The following DAAM2 variants were observed in gnomAD, a reference collection of about 807,000 sequenced individuals.
DAAM2 encodes disheveled-associated activator of morphogenesis 2.
DAAM2 carries 39 observed loss-of-function variants against 120.7 expected under a neutral mutation model. The ratio of observed to expected loss-of-function variants is 0.32; its 90% CI spans 0.25 to 0.42. The LOEUF (loss-of-function observed/expected upper bound fraction) is 0.42, where lower values mean the gene tolerates loss of function less well. Among genes scored for constraint, DAAM2 ranks in the 10% least tolerant of loss-of-function variants. The probability of loss-of-function intolerance (pLI) is 1.00; values close to 1 mark genes in which losing one functional copy is unlikely to be tolerated. For missense variants in DAAM2, 1,283 were observed against 1,401.7 expected, an observed-to-expected ratio of 0.92 and a Z score of 1.35; for synonymous variants, 488 against 524.9, an observed-to-expected ratio of 0.93 and a Z score of 0.96.
At chr6:39,877,949 C>T (rs900719034) in intron 11 of DAAM2, among the ~76,000 whole-genome samples, 3 of 152,164 alleles carry the variant, frequency 2.0e-5, no homozygotes, top group African/African-American at 2.4e-5. Flanking sequence ...TCAGTGGCTC[C>T]GGCTGTATCA....
At chr6:39,873,601 C>A (rs1764752580) in intron 10 of DAAM2, among the ~76,000 whole-genome samples, 1 of 152,204 alleles carries the variant, frequency 6.6e-6, no homozygotes, top group Non-Finnish European at 1.5e-5. Flanking sequence ...ACATCCTAGT[C>A]CAAAAACGGT....
At chr6:39,817,651 GGACTGACAA>G (rs908510889) in intron 1 of DAAM2, among the ~76,000 whole-genome samples, 49 of 152,228 alleles carry the variant, frequency 3.2e-4, no homozygotes, top group African/African-American at 1.2e-3. Flanking sequence ...CATGGTTGTG[GGACTGACAA>G]GTCAAAAATC....
At chr6:39,830,773 A>G (rs1461258757) in intron 1 of DAAM2, among the ~76,000 whole-genome samples, 1 of 152,164 alleles carries the variant, frequency 6.6e-6, no homozygotes, top group East Asian at 1.9e-4. Context: ...CTGCATCAGG[A>G]CCAGGGCAGC....
intron 1 of DAAM2, among the ~76,000 whole-genome samples, chr6:39,825,828 C>T (rs1488742907): frequency 6.6e-6 from 1 of 152,170 alleles, no homozygotes; most frequent in Non-Finnish European, 1.5e-5. Flanking sequence ...TCACAGCCTG[C>T]ACACTACATG....
rs147181531 is a variant in DAAM2, at chr6:39,829,503, G to C, written c.-56-26744G>C. 4.4e-3 allele frequency among the ~76,000 whole-genome samples: 665 copies of C among 152,278 alleles called. 4 individuals are homozygous for C. The highest frequency in any genetic ancestry group is 6.3e-3 in the Non-Finnish European group (431 of 68,018). On this transcript the variant is annotated intron_variant, in intron 1 of 24. Coordinates refer to ENST00000274867, the MANE Select transcript of DAAM2 (RefSeq NM_001201427.2). The stretch of plus-strand genomic sequence containing the variant: ...TTAAGAGGCTTGTGTTGGAGGCTGA[G>C]TGATACCTCATTTGGCACCAGTTGG...
chr6:39,803,714 CACAG>C (rs1761932104), intron 1 of DAAM2, among the ~76,000 whole-genome samples: 1 of 152,186 alleles, frequency 6.6e-6, no homozygotes, highest in South Asian at 2.1e-4. Context: ...TGGAAGGAAA[CACAG>C]ACACAGACTT....
At chr6:39,859,263 C>T (rs1021896944) in intron 2 of DAAM2, among the ~76,000 whole-genome samples, 13 of 152,152 alleles carry the variant, frequency 8.5e-5, no homozygotes, top group African/African-American at 3.1e-4. Context: ...ACTGTGTAAA[C>T]AAAGGCACAG....
intron 1 of DAAM2, among the ~76,000 whole-genome samples, chr6:39,853,009 G>A (rs1763871044): frequency 6.6e-6 from 1 of 152,190 alleles, no homozygotes; most frequent in Non-Finnish European, 1.5e-5. Context: ...GCGGAGGGAG[G>A]CTATGGCTAT....
intron 1 of DAAM2, among the ~76,000 whole-genome samples, chr6:39,851,686 C>G: frequency 6.6e-6 from 1 of 152,148 alleles, no homozygotes; most frequent in East Asian, 1.9e-4. Context: ...CTTCCTGGCT[C>G]GGAGAGCAAT....
chr6:39,897,322 C>G, intron 21 of DAAM2, 40 bp downstream of exon 21: 2 of 1,310,594 alleles, frequency 1.5e-6, no homozygotes, highest in Non-Finnish European at 2.2e-6. Context: ...CCCATGATGA[C>G]CCTCATTCTT....
At chr6:39,840,667 T>A (rs1341118560) in intron 1 of DAAM2, among the ~76,000 whole-genome samples, 4 of 149,456 alleles carry the variant, frequency 2.7e-5, no homozygotes, top group African/African-American at 9.9e-5. Context: ...TGGAGGGGAG[T>A]TTTGGAGGGG....
intron 1 of DAAM2, chr6:39,820,809 ATACC>A (rs1322219654): frequency 6.6e-6 from 1 of 152,248 alleles, no homozygotes; most frequent in African/African-American, 2.4e-5. Flanking sequence ...AATAATCACA[ATACC>A]TACCTCCTAA....
chr6:39,810,215 G>A (rs1430929710), intron 1 of DAAM2, among the ~76,000 whole-genome samples: 1 of 152,156 alleles, frequency 6.6e-6, no homozygotes, highest in Non-Finnish European at 1.5e-5. Flanking sequence ...TGGGCATGTT[G>A]CTGCTGCAAA....
rs1172384155 is a variant in DAAM2 at position 39,873,154 on chromosome 6, T to C, written c.1045-84T>C. 9.4e-6 allele frequency: 8 copies of C among 847,568 alleles called. No individual in the cohort carries two copies. The African/African-American group carries it at 1.0e-4, about 11-fold the overall frequency. The allele number at this position is 847,568 out of a possible 1,614,324, so 52.5% of individuals were successfully genotyped here. On this transcript the variant is annotated intron_variant, in intron 9 of 24. Transcript: ENST00000274867. The stretch of plus-strand genomic sequence containing the variant: ...AAAACCTTTCCTATGAGACAGGGCA[T>C]AGTGGATGGAAGCAGGGTCTTCTCT...
rs1214031381 is a variant in DAAM2, at chr6:39,792,385, G to T, written c.-137G>T. On this transcript the variant is annotated 5_prime_UTR_variant, in exon 1 of 25. Transcript: ENST00000274867. ...GCCGCGGCTTCCCGGGGATAGCGCG[G>T]AGCACGCAGCAGCGAGCGGAGCGCG... is the stretch of plus-strand genomic sequence containing the variant. 6.6e-6 allele frequency: 1 copy of T among 152,360 alleles called. No individual in the cohort carries two copies. Among genetic ancestry groups the T allele is most frequent in the South Asian group, 2.0e-4 (1 of 4,924 alleles). The allele number at this position is 152,360 out of a possible 1,614,324, so 9.4% of individuals were successfully genotyped here.
chr6:39,854,921 G>A (rs551998343), intron 1 of DAAM2, among the ~76,000 whole-genome samples: 1 of 152,268 alleles, frequency 6.6e-6, no homozygotes, highest in East Asian at 1.9e-4. Flanking sequence ...TGTGTCATTA[G>A]GGTCTGTGTC....
At chr6:39,798,292 T>C (rs2113990259) in intron 1 of DAAM2, among the ~76,000 whole-genome samples, 1 of 152,290 alleles carries the variant, frequency 6.6e-6, no homozygotes, top group South Asian at 2.1e-4. Context: ...ATCTGAAAAG[T>C]GGGGATGATA....
At chr6:39,828,993 C>T (rs565801448) in intron 1 of DAAM2, among the ~76,000 whole-genome samples, 25 of 152,310 alleles carry the variant, frequency 1.6e-4, no homozygotes, top group Non-Finnish European at 2.4e-4. Context: ...CAGGGGCTAA[C>T]GCATAGTAGG....
At position 39,900,221 on chromosome 6, in the gene DAAM2, C is replaced by T. The variant is rs1203526863; in HGVS notation, c.2811+13C>T. The T allele has an allele frequency of 5.0e-6, 8 of 1,608,066 alleles. No homozygotes were observed. Among genetic ancestry groups the T allele is most frequent in the Non-Finnish European group, 6.8e-6 (8 of 1,177,510 alleles). ...GGCCAGGGACAAGGTAAGGGTGCCC[C>T]AACCCCCACTGCTTGCCAACCCAGC... On this transcript the variant is annotated intron_variant, in intron 23 of 24. Transcript: ENST00000274867.
Sources: gnomAD v4.1 joint callset for allele counts (sites outside exome capture counted in the v4.1 genomes callset) on GRCh38, gnomAD v4.1.1 for gene constraint, MANE v1.5 for transcripts, NCBI Gene and HGNC (gene_info 2026-07-23, HGNC 2026-07-21) for gene names.